MDGA2: variants seen among roughly 807,000 people sequenced by gnomAD.
MDGA2 encodes MAM domain-containing glycosylphosphatidylinositol anchor protein 2.
In MDGA2, 40 loss-of-function variants were observed where a neutral mutation model predicts 117.8. The ratio of observed to expected loss-of-function variants is 0.34; its 90% CI spans 0.26 to 0.44. MDGA2 has a LOEUF of 0.44. MDGA2 is among the 20% of genes least tolerant of loss of function. MDGA2 has a pLI of 1.00. For missense variants in MDGA2, 1,123 were observed against 1,250.6 expected (o/e 0.90, Z 1.54); for synonymous variants, 452 against 439.0 (o/e 1.03, Z -0.37).
At chr14:47,548,527 T>C (rs1354796590) in intron 1 of MDGA2, among the ~76,000 whole-genome samples, 1 of 152,176 alleles carries the variant, frequency 6.6e-6, no homozygotes, top group East Asian at 1.9e-4. Context: ...AGTTAGCATA[T>C]GAGCAGCAAA....
At chr14:47,023,501 TCA>T (rs1296851423) in intron 8 of MDGA2, among the ~76,000 whole-genome samples, 3 of 152,158 alleles carry the variant, frequency 2.0e-5, no homozygotes, top group African/African-American at 7.2e-5. Context: ...AGATTTCTTT[TCA>T]TCATGGCAAA....
intron 9 of MDGA2, among the ~76,000 whole-genome samples, chr14:46,938,764 T>C (rs1371954713): frequency 6.6e-6 from 1 of 152,016 alleles, no homozygotes; most frequent in Non-Finnish European, 1.5e-5. Flanking sequence ...TCTACTGATA[T>C]TTATCCAAAG....
chr14:47,170,744 TC>T (rs1884090962), intron 3 of MDGA2, among the ~76,000 whole-genome samples: 1 of 152,176 alleles, frequency 6.6e-6, no homozygotes, highest in South Asian at 2.1e-4. Flanking sequence ...CTAGGAAGTT[TC>T]CTATAAAAAC....
chr14:47,279,844 T>C (rs1050402614), intron 2 of MDGA2, among the ~76,000 whole-genome samples: 5 of 152,160 alleles, frequency 3.3e-5, no homozygotes, highest in African/African-American at 1.2e-4. Flanking sequence ...ATTAGACAAC[T>C]GGTCCTGGTA....
intron 1 of MDGA2, among the ~76,000 whole-genome samples, chr14:47,487,962 G>A (rs1894094428): frequency 6.6e-6 from 1 of 152,024 alleles, no homozygotes; most frequent in Non-Finnish European, 1.5e-5. Context: ...AAGCATTGCA[G>A]CAGTAGGAAA....
intron 5 of MDGA2, among the ~76,000 whole-genome samples, chr14:47,103,012 G>A (rs1880431005): frequency 6.6e-6 from 1 of 152,166 alleles, no homozygotes; most frequent in Non-Finnish European, 1.5e-5. Context: ...GGGGTAGGCG[G>A]TAAGTGAAAG....
At position 47,248,934 on chromosome 14, in the gene MDGA2, C is replaced by A. The variant is rs192205744; in HGVS notation, c.421-30739G>T. 4.9e-3 allele frequency among the ~76,000 whole-genome samples: 746 copies of A among 151,000 alleles called. 7 individuals are homozygous for A. The highest frequency in any genetic ancestry group is 7.1e-3 in the Non-Finnish European group (478 of 67,756). ...TATGTTTCCCTTCCTTCCTTCCTTC[C>A]CTCCCTTCCTCCCTCCCTCCCTCCC... is the stretch of plus-strand genomic sequence containing the variant. On this transcript the variant is annotated intron_variant, in intron 2 of 16. Transcript: ENST00000399232.
At chr14:47,247,523 G>A (rs1328903958) in intron 2 of MDGA2, among the ~76,000 whole-genome samples, 1 of 151,292 alleles carries the variant, frequency 6.6e-6, no homozygotes, top group Admixed American at 6.6e-5. Flanking sequence ...GGCTGGTCTC[G>A]AACTCCTGAC....
rs1889698052 is a variant in MDGA2 at position 47,313,172 on chromosome 14, CAT to C, written c.281-11624_281-11623del. On this transcript the variant is annotated intron_variant, in intron 1 of 16. Transcript: ENST00000399232. ...TTTAACCCCGAAGAAGTGATGAGAT[CAT>C]GTTTTTGTTAGATGTCAAACCAAAT... 6.6e-5 allele frequency among the ~76,000 whole-genome samples: 10 copies of C among 152,144 alleles called. No homozygotes were observed. In the South Asian group the frequency reaches 2.1e-3, roughly 32 times the overall value.
chr14:47,025,949 AT>A (rs1230585597), intron 8 of MDGA2, among the ~76,000 whole-genome samples: 3 of 152,134 alleles, frequency 2.0e-5, no homozygotes, highest in Non-Finnish European at 4.4e-5. Flanking sequence ...TATGAATTTG[AT>A]ACCAAATACG....
intron 1 of MDGA2, among the ~76,000 whole-genome samples, chr14:47,481,173 CTTTT>C (rs1893947337): frequency 6.6e-6 from 1 of 151,974 alleles, no homozygotes; most frequent in South Asian, 2.1e-4. Context: ...TCCTCCTACT[CTTTT>C]ACTCCATTTT....
chr14:47,545,177 T>C (rs925199170), intron 1 of MDGA2, among the ~76,000 whole-genome samples: 1 of 152,200 alleles, frequency 6.6e-6, no homozygotes, highest in African/African-American at 2.4e-5. Context: ...AAGTCACTGT[T>C]GGCTGTGTTT....
At chr14:47,438,700 C>A (rs952317034) in intron 1 of MDGA2, among the ~76,000 whole-genome samples, 11 of 152,014 alleles carry the variant, frequency 7.2e-5, no homozygotes, top group African/African-American at 2.7e-4. Flanking sequence ...AGAACCAGAC[C>A]AATTGGTGCT....
chr14:46,874,531 A>C lies in MDGA2; in HGVS notation c.2438-331T>G, dbSNP rs545400356. ...GAATTTTCCCAACTTTCATTTTGTC[A>C]GTATAGAAACAATCAAAACAAAACT... On this transcript the variant is annotated intron_variant, in intron 12 of 16. Coordinates refer to ENST00000399232, the MANE Select transcript of MDGA2 (RefSeq NM_001113498.3). 2.0e-5 allele frequency among the ~76,000 whole-genome samples: 3 copies of C among 151,990 alleles called. No individual in the cohort carries two copies. In the South Asian group the frequency reaches 6.2e-4, roughly 31 times the overall value.
chr14:47,473,396 T>TA (rs1893769921), intron 1 of MDGA2, among the ~76,000 whole-genome samples: 1 of 152,202 alleles, frequency 6.6e-6, no homozygotes, highest in East Asian at 1.9e-4. Flanking sequence ...ATCATAGCCT[T>TA]AGCAGTGCCT....
chr14:47,030,207 T>A (rs1199783401), intron 8 of MDGA2, among the ~76,000 whole-genome samples: 1 of 152,104 alleles, frequency 6.6e-6, no homozygotes, highest in Non-Finnish European at 1.5e-5. Context: ...AATCAGGTAC[T>A]TTGTTTAGAA....
intron 1 of MDGA2, among the ~76,000 whole-genome samples, chr14:47,445,900 A>G (rs1360101865): frequency 6.6e-6 from 1 of 152,156 alleles, no homozygotes; most frequent in Non-Finnish European, 1.5e-5. Flanking sequence ...ATACCACAAT[A>G]GTAGAGGTAC....
chr14:47,642,661 CTATCTATT>C (rs1221408232), intron 1 of MDGA2, among the ~76,000 whole-genome samples: 4 of 151,978 alleles, frequency 2.6e-5, no homozygotes, highest in Admixed American at 1.3e-4. Context: ...ATCTATCTAT[CTATCTATT>C]TATCATCTAT....
intron 1 of MDGA2, among the ~76,000 whole-genome samples, chr14:47,473,877 C>G (rs1447560977): frequency 1.3e-5 from 2 of 152,094 alleles, no homozygotes; most frequent in Non-Finnish European, 2.9e-5. Context: ...CAATATCATA[C>G]TGAATGGGTA....
Sources: gnomAD v4.1 joint callset for allele counts (sites outside exome capture counted in the v4.1 genomes callset) on GRCh38, gnomAD v4.1.1 for gene constraint, MANE v1.5 for transcripts, NCBI Gene and HGNC (gene_info 2026-07-23, HGNC 2026-07-21) for gene names.